The following TLL2 variants were observed in gnomAD, a reference collection of about 807,000 sequenced individuals.
TLL2 encodes tolloid like 2.
TLL2 carries 106 observed loss-of-function variants against 123.0 expected under a neutral mutation model. The ratio of observed to expected loss-of-function variants is 0.86; its 90% CI spans 0.74 to 1.01. The LOEUF (loss-of-function observed/expected upper bound fraction) is 1.01. Among genes scored for constraint, TLL2 ranks in the 50% least tolerant of loss-of-function variants. The pLI, the probability that TLL2 is intolerant of heterozygous loss-of-function variation, is 0.00. For synonymous variants in TLL2, 494 were observed against 516.8 expected (o/e 0.96, Z 0.60); for missense variants, 1,332 against 1,336.7 (o/e 1.00, Z 0.06).
intron 1 of TLL2, among the ~76,000 whole-genome samples, chr10:96,504,006 C>T (rs939455829): frequency 2.6e-5 from 4 of 152,150 alleles, no homozygotes; most frequent in African/African-American, 2.4e-5. Context: ...GTCTCAATGT[C>T]GTGTGCAGGT....
At chr10:96,475,928 A>G (rs938477832) in intron 2 of TLL2, among the ~76,000 whole-genome samples, 1 of 151,902 alleles carries the variant, frequency 6.6e-6, no homozygotes, top group African/African-American at 2.4e-5. Flanking sequence ...TTCCCTGCAC[A>G]AGCTCTCCTT....
At chr10:96,458,587 C>CAAAAAAAAA (rs55819031) in intron 2 of TLL2, among the ~76,000 whole-genome samples, 3 of 45,998 alleles carry the variant, frequency 6.5e-5, no homozygotes, top group African/African-American at 9.5e-5. Context: ...GACTTCGTCT[C>CAAAAAAAAA]AAAAAAAAAA....
chr10:96,434,894 C>A (rs1047259965), intron 3 of TLL2, among the ~76,000 whole-genome samples: 4 of 152,014 alleles, frequency 2.6e-5, no homozygotes, highest in Non-Finnish European at 4.4e-5. Flanking sequence ...TGGTGTGAAG[C>A]GGAATCTCAT....
rs750577028 is a variant in TLL2 at position 96,410,541 on chromosome 10, C to T, written c.1049-67G>A. 1,092 of 1,284,604 alleles carry T rather than the reference C, an allele frequency of 8.5e-4. 4 individuals carry two copies. The highest frequency in any genetic ancestry group is 9.7e-4 in the Non-Finnish European group (866 of 889,328). 79.6% of individuals were successfully genotyped at this position (1,284,604 alleles called of 1,614,324 possible). ...TCTCCCCGCCCAAGCAGCTCCCGCA[C>T]GGGGCAGCGGAGCAAACATACCCCT... On this transcript the variant is annotated intron_variant, in intron 8 of 20. Coordinates refer to ENST00000357947, the MANE Select transcript of TLL2 (RefSeq NM_012465.4).
chr10:96,380,371 A>G (rs1408478800), intron 16 of TLL2, among the ~76,000 whole-genome samples: 1 of 152,096 alleles, frequency 6.6e-6, no homozygotes, highest in East Asian at 1.9e-4. Context: ...CTCCTTGAAC[A>G]ATGTATTTCA....
Position 96,480,359 on chromosome 10 carries a change from T to C in TLL2, c.276A>G (p.Gly92=). The change falls in exon 2 of 21, where the codon GGA becomes GGG. Residue 92 remains glycine, a synonymous_variant. Coordinates refer to ENST00000357947, the MANE Select transcript of TLL2 (RefSeq NM_012465.4). ...DWTKQTVGAT[G]HSTGGLEEQA... The stretch of plus-strand genomic sequence containing the variant: ...GGAAGCAGTACCTACCTGTGCTGTG[T>C]CCTGTTGCCCCCACTGTCTGCTTGG... 6.2e-7 allele frequency: 1 copy of C among 1,614,164 alleles called. No homozygotes were observed. Among genetic ancestry groups the C allele is most frequent in the South Asian group, 1.1e-5 (1 of 91,086 alleles).
At chr10:96,446,544 C>G (rs1038700215) in intron 2 of TLL2, among the ~76,000 whole-genome samples, 1 of 152,146 alleles carries the variant, frequency 6.6e-6, no homozygotes, top group Non-Finnish European at 1.5e-5. Flanking sequence ...CTCTCTGGGC[C>G]TGGAGTCCGC....
At chr10:96,409,833 T>C (rs1217054939) in intron 9 of TLL2, among the ~76,000 whole-genome samples, 1 of 152,204 alleles carries the variant, frequency 6.6e-6, no homozygotes, top group Non-Finnish European at 1.5e-5. Flanking sequence ...CTGCCCTGGA[T>C]CCATCTTCTT....
intron 19 of TLL2, among the ~76,000 whole-genome samples, chr10:96,372,739 C>T (rs1490735609): frequency 1.3e-5 from 2 of 152,264 alleles, no homozygotes; most frequent in Non-Finnish European, 1.5e-5. Flanking sequence ...ATACCTGGGC[C>T]GGAGTGCAGT....
intron 13 of TLL2, 59 bp downstream of exon 13, chr10:96,395,128 C>A (rs1336348380): frequency 2.0e-6 from 3 of 1,517,884 alleles, no homozygotes; most frequent in Admixed American, 1.9e-5. Context: ...GTGTCTTAGG[C>A]CAGGGGGAGC....
intron 13 of TLL2, among the ~76,000 whole-genome samples, chr10:96,388,486 G>A (rs189007588): frequency 1.3e-5 from 2 of 152,310 alleles, no homozygotes; most frequent in Non-Finnish European, 1.5e-5. Flanking sequence ...CTATGAGTTG[G>A]TAAAGACCTG....
At chr10:96,467,831 G>A (rs1301459461) in intron 2 of TLL2, among the ~76,000 whole-genome samples, 1 of 152,202 alleles carries the variant, frequency 6.6e-6, no homozygotes, top group Non-Finnish European at 1.5e-5. Flanking sequence ...GAGAGGCTGA[G>A]ACACAGTCTT....
chr10:96,442,975 T>G (rs952209716), intron 3 of TLL2, among the ~76,000 whole-genome samples: 4 of 152,206 alleles, frequency 2.6e-5, no homozygotes, highest in Admixed American at 1.3e-4. Context: ...TACAAGCAGT[T>G]AAATAACTTA....
At chr10:96,441,083 C>A (rs1041506579) in intron 3 of TLL2, among the ~76,000 whole-genome samples, 1 of 152,158 alleles carries the variant, frequency 6.6e-6, no homozygotes, top group African/African-American at 2.4e-5. Flanking sequence ...GGGAGCGAGC[C>A]CTGTCCTCTC....
At chr10:96,386,799 G>A (rs771130293) in intron 14 of TLL2, among the ~76,000 whole-genome samples, 154 bp downstream of exon 14, 1 of 152,186 alleles carries the variant, frequency 6.6e-6, no homozygotes, top group Non-Finnish European at 1.5e-5. Flanking sequence ...CTGTCAGGCT[G>A]TTTCTCCTTC....
chr10:96,456,091 G>A lies in TLL2; in HGVS notation c.287-9923C>T, dbSNP rs1002584033. The stretch of plus-strand genomic sequence containing the variant: ...AGCTTTAGTTACAAATGAGAGAAGT[G>A]AGGATTAGGTAGTAAGAAGGTAGTA... On this transcript the variant is annotated intron_variant, in intron 2 of 20. Coordinates refer to ENST00000357947, the MANE Select transcript of TLL2 (RefSeq NM_012465.4). Among the ~76,000 whole-genome samples the A allele has an allele frequency of 2.0e-5, 3 of 152,198 alleles. No individual in the cohort carries two copies. The East Asian group carries it at 5.8e-4, about 29-fold the overall frequency.
At chr10:96,421,218 A>G (rs1416507018) in intron 6 of TLL2, among the ~76,000 whole-genome samples, 157 bp from the exon 7 acceptor site, 1 of 152,100 alleles carries the variant, frequency 6.6e-6, no homozygotes, top group Non-Finnish European at 1.5e-5. Flanking sequence ...TGTTTTTAAT[A>G]ATTAGAAATT....
rs149344000 is a variant in TLL2 at position 96,463,736 on chromosome 10, A to T, written c.286+16613T>A. 1.4e-4 allele frequency among the ~76,000 whole-genome samples: 21 copies of T among 152,356 alleles called. No individual in the cohort carries two copies. In the Middle Eastern group the frequency reaches 0.01, roughly 74 times the overall value. ...CCTTCGTCTACACATACAGGATGCC[A>T]TCTAGCAGGGCAGACGCAGCTCACG... On this transcript the variant is annotated intron_variant, in intron 2 of 20. Transcript: ENST00000357947.
chr10:96,378,221 T>C (rs1007206104), intron 17 of TLL2, among the ~76,000 whole-genome samples: 1 of 152,212 alleles, frequency 6.6e-6, no homozygotes, highest in Non-Finnish European at 1.5e-5. Flanking sequence ...GAGATCAGGG[T>C]GTGTGTCTTC....
Sources: allele counts gnomAD v4.1 joint callset (sites outside exome capture counted in the v4.1 genomes callset), GRCh38; gene constraint gnomAD v4.1.1; transcripts MANE v1.5; gene names NCBI Gene and HGNC (gene_info 2026-07-23, HGNC 2026-07-21).